Variants in KCNH8 observed in about 807,000 individuals in gnomAD.
KCNH8 encodes the protein voltage-gated delayed rectifier potassium channel KCNH8.
A neutral mutation model predicts 103.6 loss-of-function variants in KCNH8; 70 were observed. The ratio of observed to expected loss-of-function variants is 0.68; its 90% CI spans 0.56 to 0.82. The LOEUF is 0.82. Among genes scored for constraint, KCNH8 ranks in the 40% least tolerant of loss-of-function variants. The pLI, the probability that KCNH8 is intolerant of heterozygous loss-of-function variation, is 0.00. For missense variants in KCNH8, 1,217 were observed against 1,329.9 expected (o/e 0.92, Z 1.32); for synonymous variants, 498 against 489.4 (o/e 1.02, Z -0.23).
At chr3:19,170,879 T>C (rs1193055856) in intron 1 of KCNH8, among the ~76,000 whole-genome samples, 1 of 146,898 alleles carries the variant, frequency 6.8e-6, no homozygotes, top group Non-Finnish European at 1.5e-5. Flanking sequence ...GCGCAAAATA[T>C]CGGCTCACTG....
At chr3:19,340,697 A>G (rs1327649306) in intron 3 of KCNH8, among the ~76,000 whole-genome samples, 2 of 152,172 alleles carry the variant, frequency 1.3e-5, no homozygotes, top group African/African-American at 4.8e-5. Flanking sequence ...AGGGCAAAGT[A>G]TATTGGAAGA....
chr3:19,422,253 C>T (rs1231308706), intron 7 of KCNH8, among the ~76,000 whole-genome samples: 3 of 151,856 alleles, frequency 2.0e-5, no homozygotes, highest in African/African-American at 7.3e-5. Flanking sequence ...TTTGAATTTC[C>T]CAACTGGCAC....
At chr3:19,208,838 A>G (rs1177824376) in intron 1 of KCNH8, among the ~76,000 whole-genome samples, 1 of 151,942 alleles carries the variant, frequency 6.6e-6, no homozygotes, top group Non-Finnish European at 1.5e-5. Context: ...TGGGTAGAAA[A>G]GACGGGAAAA....
chr3:19,273,844 A>G (rs1402924259), intron 2 of KCNH8, among the ~76,000 whole-genome samples: 4 of 152,206 alleles, frequency 2.6e-5, no homozygotes, highest in African/African-American at 9.7e-5. Flanking sequence ...TTAACGCCAC[A>G]TATACCTTAA....
At chr3:19,186,261 T>C (rs78920004) in intron 1 of KCNH8, among the ~76,000 whole-genome samples, 6,245 of 148,086 alleles carry the variant, frequency 0.042, 464 homozygotes, top group African/African-American at 0.15. Flanking sequence ...CTTTATTTTA[T>C]ATGGAATGCT....
chr3:19,203,168 C>T (rs1051965842), intron 1 of KCNH8, among the ~76,000 whole-genome samples: 5 of 151,974 alleles, frequency 3.3e-5, no homozygotes, highest in Non-Finnish European at 7.4e-5. Context: ...TGAGAGCCCC[C>T]CTTGTGTAGA....
intron 11 of KCNH8, among the ~76,000 whole-genome samples, chr3:19,469,456 T>C (rs897951467): frequency 6.6e-6 from 1 of 152,160 alleles, no homozygotes; most frequent in Non-Finnish European, 1.5e-5. Context: ...TTTTTTGTTT[T>C]TGAGATGGAG....
rs190390453 is a variant in KCNH8 at position 19,207,091 on chromosome 3, A to G, written c.77-46563A>G. 7.6e-3 allele frequency among the ~76,000 whole-genome samples: 1,163 copies of G among 152,086 alleles called. 13 individuals carry two copies. The highest frequency in any genetic ancestry group is 0.026 in the African/African-American group (1,070 of 41,516). ...AAAAGATTTGGGTGTTGTTAGTAAA[A>G]ATAAGGAAGGAGGTGTGTAGAAAAG... On this transcript the variant is annotated intron_variant, in intron 1 of 15. Coordinates refer to ENST00000328405, the MANE Select transcript of KCNH8 (RefSeq NM_144633.3).
At chr3:19,463,963 T>A (rs976774089) in intron 11 of KCNH8, among the ~76,000 whole-genome samples, 2 of 152,096 alleles carry the variant, frequency 1.3e-5, no homozygotes, top group Non-Finnish European at 2.9e-5. Flanking sequence ...CAGAATGATA[T>A]CTGAAACAAT....
intron 3 of KCNH8, among the ~76,000 whole-genome samples, chr3:19,308,274 G>A (rs2065155598): frequency 1.4e-5 from 2 of 140,890 alleles, no homozygotes; most frequent in Admixed American, 7.0e-5. Context: ...AGGGAACAGG[G>A]AATTTTTCCC....
At chr3:19,165,828 T>C (rs1376903829) in intron 1 of KCNH8, among the ~76,000 whole-genome samples, 1 of 152,156 alleles carries the variant, frequency 6.6e-6, no homozygotes, top group African/African-American at 2.4e-5. Context: ...CATGTGTATG[T>C]AGATTGTCTA....
intron 5 of KCNH8, among the ~76,000 whole-genome samples, chr3:19,357,509 G>A (rs1242277602): frequency 2.6e-5 from 4 of 151,718 alleles, no homozygotes; most frequent in African/African-American, 9.7e-5. Context: ...TTGATTGTTT[G>A]CGGCCCCTTT....
intron 3 of KCNH8, chr3:19,314,918 A>T (rs1348890800): frequency 6.5e-6 from 1 of 154,190 alleles, no homozygotes; most frequent in Admixed American, 6.6e-5. Flanking sequence ...TTCAGTCATC[A>T]TATCCAGTTC....
At chr3:19,496,485 T>C (rs1357261412) in intron 11 of KCNH8, among the ~76,000 whole-genome samples, 1 of 152,194 alleles carries the variant, frequency 6.6e-6, no homozygotes, top group East Asian at 1.9e-4. Flanking sequence ...CTTTACGTGA[T>C]GAATCATATT....
chr3:19,451,144 T>C lies in KCNH8; in HGVS notation c.1576-11T>C, dbSNP rs750414844. The C allele has an allele frequency of 2.5e-6, 4 of 1,613,116 alleles. No homozygotes were observed. Among genetic ancestry groups the C allele is most frequent in the African/African-American group, 2.7e-5 (2 of 74,900 alleles). ...CCCCAATTTGATTTCCTCCTTCATC[T>C]TCTCTGACAGCTTTTGAAAGACTTT... On this transcript the variant is annotated splice_polypyrimidine_tract_variant and intron_variant, in intron 9 of 15. Transcript: ENST00000328405.
chr3:19,395,433 T>C (rs1033072303), intron 7 of KCNH8, 122 bp downstream of exon 7: 1 of 617,690 alleles, frequency 1.6e-6, no homozygotes, highest in Non-Finnish European at 2.7e-6. Flanking sequence ...ATTTGTCTAA[T>C]TAATTTCTAT....
intron 11 of KCNH8, among the ~76,000 whole-genome samples, chr3:19,472,448 A>G (rs1413493330): frequency 2.6e-5 from 4 of 152,056 alleles, no homozygotes; most frequent in African/African-American, 9.7e-5. Context: ...TGCTGTTCTT[A>G]TGATAGTGAA....
intron 11 of KCNH8, among the ~76,000 whole-genome samples, chr3:19,480,688 C>T (rs2068070205): frequency 6.6e-6 from 1 of 152,128 alleles, no homozygotes; most frequent in Non-Finnish European, 1.5e-5. Context: ...CTTTCATTTG[C>T]AATTCAAGCT....
chr3:19,325,720 T>C (rs2065413894), intron 3 of KCNH8, among the ~76,000 whole-genome samples: 1 of 152,186 alleles, frequency 6.6e-6, no homozygotes, highest in African/African-American at 2.4e-5. Context: ...AAATGAATGC[T>C]AATACACTTT....
Sources: gnomAD v4.1 joint callset for allele counts (sites outside exome capture counted in the v4.1 genomes callset) on GRCh38, gnomAD v4.1.1 for gene constraint, MANE v1.5 for transcripts, NCBI Gene and HGNC (gene_info 2026-07-23, HGNC 2026-07-21) for gene names.